ABCA3: variants seen among roughly 807,000 people sequenced by gnomAD.
The protein encoded by ABCA3 is ATP binding cassette subfamily A member 3, also known as phospholipid-transporting ATPase ABCA3.
In ABCA3, 88 loss-of-function variants were observed where a neutral mutation model predicts 172.8. The observed-to-expected ratio is 0.51, with a 90% CI of 0.43 to 0.61. ABCA3 has a LOEUF of 0.61. Ranked by LOEUF, ABCA3 falls within the 20% of genes least tolerant of loss-of-function variation. ABCA3 has a pLI of 0.00. For missense variants in ABCA3, 2,164 were observed against 2,301.0 expected (o/e 0.94, Z 1.22); for synonymous variants, 1,066 against 983.8 (o/e 1.08, Z -1.56).
At position 2,285,651 on chromosome 16, in the gene ABCA3, G is replaced by T. The variant is rs762221056; in HGVS notation, c.3279-5C>A. The T allele has an allele frequency of 6.4e-7, 1 of 1,551,656 alleles. No individual in the cohort carries two copies. Among genetic ancestry groups the T allele is most frequent in the Admixed American group, 2.0e-5 (1 of 51,026 alleles). ...ATGTCGAATCCCTTCCGGCCCCTGC[G>T]GGGGACAGAGAAGGTCAGGGACGGA... On this transcript the variant is annotated splice_polypyrimidine_tract_variant and splice_region_variant and intron_variant, in intron 22 of 32. Coordinates refer to ENST00000301732, the MANE Select transcript of ABCA3 (RefSeq NM_001089.3). This position sits in a 1 kb window ranked among gnomAD's most constrained non-coding sequence, Gnocchi z 4.7.
chr16:2,295,488 C>T, intron 18 of ABCA3, 102 bp downstream of exon 18: 1 of 1,560,938 alleles, frequency 6.4e-7, no homozygotes, highest in Non-Finnish European at 8.7e-7. Context: ...CTGGCCAGGC[C>T]AGAGAGGGGC....
chr16:2,307,698 T>C (rs1461854201), intron 11 of ABCA3, among the ~76,000 whole-genome samples: 2 of 152,130 alleles, frequency 1.3e-5, no homozygotes, highest in African/African-American at 2.4e-5. Context: ...CTCCGCCTCC[T>C]GGGTTCACGC....
At chr16:2,317,148 C>T in intron 10 of ABCA3, 135 bp downstream of exon 10, 1 of 1,350,574 alleles carries the variant, frequency 7.4e-7, no homozygotes, top group Non-Finnish European at 1.0e-6. Context: ...TCCAGTCCAA[C>T]CTTCCCCTGG....
chr16:2,318,157 C>G (rs2093719545), intron 8 of ABCA3, among the ~76,000 whole-genome samples: 1 of 152,230 alleles, frequency 6.6e-6, no homozygotes, highest in African/African-American at 2.4e-5. Flanking sequence ...TCAACACCAG[C>G]CTCCATGGCT....
rs1356225599 is a variant in ABCA3, at chr16:2,328,748, A to G, written c.-322T>C. 3.0e-6 allele frequency: 1 copy of G among 333,712 alleles called. No homozygotes were observed. The highest frequency in any genetic ancestry group is 7.6e-5 in the East Asian group (1 of 13,202). 20.7% of individuals were successfully genotyped at this position (333,712 alleles called of 1,614,324 possible). A position where few individuals can be genotyped will look rare whatever the true frequency, so the allele number is the denominator to read the frequency against. ...GTTTCAGGTTCAGTTGCTCAGCTCC[A>G]CACTCATGGCTGATCCAAACCCAAC... On this transcript the variant is annotated 5_prime_UTR_variant, in exon 3 of 33. Transcript: ENST00000301732.
At position 2,297,609 on chromosome 16, in the gene ABCA3, G is replaced by A; in HGVS notation, c.2053-70C>T. ...CCGGGCCCAGGCTGGCCTTGCGGTAGGCCCCATCGAGGGGTTCGCGGAGCC... is the reference window on the plus strand; with the variant it reads ...CCGGGCCCAGGCTGGCCTTGCGGTAAGCCCCATCGAGGGGTTCGCGGAGCC... On this transcript the variant is annotated intron_variant, in intron 16 of 32. Coordinates refer to ENST00000301732, the MANE Select transcript of ABCA3 (RefSeq NM_001089.3). This position sits in a 1 kb window ranked among gnomAD's most constrained non-coding sequence, Gnocchi z 5.6. 6.3e-7 allele frequency: 1 copy of A among 1,598,518 alleles called. No individual in the cohort carries two copies. The highest frequency in any genetic ancestry group is 2.2e-5 in the East Asian group (1 of 44,760).
Position 2,285,018 on chromosome 16 carries a change from CGCT to C in ABCA3, c.3484-23_3484-21del. 6.2e-7 allele frequency: 1 copy of C among 1,608,820 alleles called. No homozygotes were observed. Among genetic ancestry groups the C allele is most frequent in the African/African-American group, 1.3e-5 (1 of 74,934 alleles). On this transcript the variant is annotated intron_variant, in intron 23 of 32. Coordinates refer to ENST00000301732, the MANE Select transcript of ABCA3 (RefSeq NM_001089.3). This position sits in a 1 kb window ranked among gnomAD's most constrained non-coding sequence, Gnocchi z 4.7. Reference sequence around the variant, plus strand: ...CACCACCTGCGGCGGCACAGGGAGGCGCTGCTGTGCATGCCAAGCTGAGAGGAG... The same window carrying C: ...CACCACCTGCGGCGGCACAGGGAGGCGCTGTGCATGCCAAGCTGAGAGGAG...
At chr16:2,320,031 A>C (rs919479585) in intron 7 of ABCA3, among the ~76,000 whole-genome samples, 191 bp from the exon 8 acceptor site, 1 of 152,138 alleles carries the variant, frequency 6.6e-6, no homozygotes, top group Admixed American at 6.5e-5. Context: ...ACAGCAAATG[A>C]GAAGAGAGAT....
rs764008562 is a variant in ABCA3 at position 2,326,408 on chromosome 16, C to T, written c.54+5G>A. The T allele has an allele frequency of 1.9e-6, 3 of 1,612,810 alleles. No homozygotes were observed. Among genetic ancestry groups the T allele is most frequent in the African/African-American group, 1.3e-5 (1 of 75,034 alleles). On this transcript the variant is annotated splice_donor_5th_base_variant and intron_variant, in intron 4 of 32. Coordinates refer to ENST00000301732, the MANE Select transcript of ABCA3 (RefSeq NM_001089.3). ...AGCTGACCTCCCTCCAGAGTCTGGA[C>T]GCACCTGCAGGGTGTAGTTCTTCCA...
At chr16:2,338,170 C>CA (rs2093754829) in intron 1 of ABCA3, among the ~76,000 whole-genome samples, 1 of 152,168 alleles carries the variant, frequency 6.6e-6, no homozygotes, top group African/African-American at 2.4e-5. Context: ...GACCTCGTTA[C>CA]ACGGCTCCCG....
At chr16:2,313,161 T>C (rs2093709256) in intron 10 of ABCA3, among the ~76,000 whole-genome samples, 1 of 152,148 alleles carries the variant, frequency 6.6e-6, no homozygotes, top group Non-Finnish European at 1.5e-5. Context: ...GTGTCTTGAT[T>C]TATGCTTAGG....
chr16:2,288,370 G>A (rs750967696), intron 20 of ABCA3, 41 bp from the exon 21 acceptor site: 1 of 1,529,260 alleles, frequency 6.5e-7, no homozygotes, highest in Non-Finnish European at 8.8e-7. Context: ...CACCGCTTGG[G>A]GCCCAGCGCC....
At chr16:2,318,419 C>G (rs9930249) in intron 8 of ABCA3, among the ~76,000 whole-genome samples, 22,210 of 152,146 alleles carry the variant, frequency 0.15, 1,830 homozygotes, top group East Asian at 0.34. Flanking sequence ...CTGACCAATA[C>G]GGCAGCCAGC....
At chr16:2,331,981 ACAT>A (rs747057421) in intron 1 of ABCA3, among the ~76,000 whole-genome samples, 4 of 152,158 alleles carry the variant, frequency 2.6e-5, no homozygotes, top group Non-Finnish European at 4.4e-5. Flanking sequence ...AAAATATTAA[ACAT>A]CACACATATC....
At chr16:2,333,614 C>G (rs2093746859) in intron 1 of ABCA3, among the ~76,000 whole-genome samples, 1 of 151,916 alleles carries the variant, frequency 6.6e-6, no homozygotes, top group Non-Finnish European at 1.5e-5. Context: ...TTTGTTCATT[C>G]AACAATTGCC....
At chr16:2,276,869 G>C in intron 32 of ABCA3, 64 bp from the exon 33 acceptor site, 1 of 1,600,242 alleles carries the variant, frequency 6.2e-7, no homozygotes, top group Non-Finnish European at 8.5e-7. Flanking sequence ...GCGGGACCTG[G>C]GAGTCCTCTG....
At chr16:2,329,428 C>T (rs909985463) in intron 2 of ABCA3, among the ~76,000 whole-genome samples, 13 of 152,174 alleles carry the variant, frequency 8.5e-5, no homozygotes, top group Admixed American at 2.6e-4. Flanking sequence ...CTGAGATGAA[C>T]GTTCTGCCTC....
At position 2,335,660 on chromosome 16, in the gene ABCA3, A is replaced by G. The variant is rs180950335; in HGVS notation, c.-539+4913T>C. 1.2e-4 allele frequency among the ~76,000 whole-genome samples: 18 copies of G among 152,258 alleles called. 1 individual carries two copies. The highest frequency in any genetic ancestry group is 4.3e-4 in the African/African-American group (18 of 41,560). On this transcript the variant is annotated intron_variant, in intron 1 of 32. Coordinates refer to ENST00000301732, the MANE Select transcript of ABCA3 (RefSeq NM_001089.3). Reference sequence around the variant, plus strand: ...GTGGCATCCTGACTGAGGAGGAGGCACCCTGTGATGTGGGGAGTGATGGTG... The same window carrying G: ...GTGGCATCCTGACTGAGGAGGAGGCGCCCTGTGATGTGGGGAGTGATGGTG...
At chr16:2,323,728 C>A (rs1297020447) in intron 6 of ABCA3, 40 bp from the exon 7 acceptor site, 3 of 1,613,098 alleles carry the variant, frequency 1.9e-6, no homozygotes, top group Non-Finnish European at 2.5e-6. Context: ...CCGAGAGATC[C>A]AGACAGAGGG....
Sources: allele counts gnomAD v4.1 joint callset (sites outside exome capture counted in the v4.1 genomes callset), GRCh38; gene constraint gnomAD v4.1.1; non-coding constraint Gnocchi (gnomAD v3.1); transcripts MANE v1.5; gene names NCBI Gene and HGNC (gene_info 2026-07-23, HGNC 2026-07-21).